RRN3: variants seen among roughly 807,000 people sequenced by gnomAD.
RRN3 encodes the protein RNA polymerase I transcription factor RRN3, also known as RNA polymerase I-specific transcription initiation factor RRN3.
Under a neutral mutation model 82.3 loss-of-function variants are expected in RRN3, and 38 were observed. That is an observed-to-expected ratio of 0.46 (90% confidence interval 0.36 to 0.61). RRN3 has a LOEUF of 0.61. Ranked by LOEUF, RRN3 falls within the 20% of genes least tolerant of loss-of-function variation. RRN3 has a pLI of 0.00. For missense variants in RRN3, 726 were observed against 793.1 expected (o/e 0.92, Z 1.02); for synonymous variants, 284 against 284.3 (o/e 1.00, Z 0.01).
intron 9 of RRN3, among the ~76,000 whole-genome samples, chr16:15,078,865 G>A (rs551602022): frequency 1.2e-4 from 18 of 150,038 alleles, no homozygotes; most frequent in South Asian, 8.5e-4. Context: ...AGGCTGGAGC[G>A]GAGTGGCGCA....
chr16:15,081,054 A>G (rs1421944725), intron 8 of RRN3, among the ~76,000 whole-genome samples: 1 of 152,194 alleles, frequency 6.6e-6, no homozygotes, highest in Non-Finnish European at 1.5e-5. Context: ...ATGTTGTAAC[A>G]TATAAAGCAT....
In RRN3 at chr16:15,061,432, A is replaced by G. The variant is rs1018944860; in HGVS notation, c.*312T>C. 2.8e-5 allele frequency: 9 copies of G among 319,642 alleles called. No homozygotes were observed. The highest frequency in any genetic ancestry group is 4.5e-5 in the Non-Finnish European group (8 of 175,908). The allele number at this position is 319,642 out of a possible 1,614,324, so 19.8% of individuals were successfully genotyped here. ...CTGCTGCCTATATTAGAAATTACCCAGTAATTGTGTCAAAAAGCTGTTAAC... is the reference window on the plus strand; with the variant it reads ...CTGCTGCCTATATTAGAAATTACCCGGTAATTGTGTCAAAAAGCTGTTAAC... On this transcript the variant is annotated 3_prime_UTR_variant, in exon 18 of 18. Transcript: ENST00000198767.
intron 8 of RRN3, 145 bp from the exon 9 acceptor site, chr16:15,080,241 G>A (rs2045641949): frequency 1.8e-6 from 2 of 1,089,314 alleles, no homozygotes; most frequent in African/African-American, 3.2e-5. Flanking sequence ...AAACTATACT[G>A]TTTCTACATG....
At chr16:15,068,332 T>C in intron 14 of RRN3, 55 bp from the exon 15 acceptor site, 2 of 1,525,684 alleles carry the variant, frequency 1.3e-6, no homozygotes, top group African/African-American at 1.4e-5. Context: ...GTGAAAAGTG[T>C]AAGATACTTT....
intron 11 of RRN3, 99 bp downstream of exon 11, chr16:15,074,624 C>T: frequency 1.2e-6 from 1 of 837,460 alleles, no homozygotes; most frequent in Non-Finnish European, 1.8e-6. Flanking sequence ...GATATTTTTA[C>T]AGGATTTTTA....
At chr16:15,093,231 T>C (rs2046211711) in intron 1 of RRN3, among the ~76,000 whole-genome samples, 1 of 152,188 alleles carries the variant, frequency 6.6e-6, no homozygotes, top group Non-Finnish European at 1.5e-5. Flanking sequence ...CTCCAACTCC[T>C]GACTTCAGAT....
chr16:15,062,650 AT>A (rs2044761389), intron 17 of RRN3, among the ~76,000 whole-genome samples: 1 of 152,230 alleles, frequency 6.6e-6, no homozygotes, highest in Admixed American at 6.5e-5. Context: ...CAATTTCAAC[AT>A]GAGTCAACTG....
intron 8 of RRN3, among the ~76,000 whole-genome samples, chr16:15,081,992 T>C (rs1400237631): frequency 6.6e-6 from 1 of 152,230 alleles, no homozygotes; most frequent in Non-Finnish European, 1.5e-5. Context: ...AACTCATTTA[T>C]TATCTCTAAA....
chr16:15,089,841 C>G (rs1315280180), intron 3 of RRN3, among the ~76,000 whole-genome samples: 1 of 139,622 alleles, frequency 7.2e-6, no homozygotes, highest in Non-Finnish European at 1.5e-5. Flanking sequence ...ACAGGAGGAT[C>G]AGAAACGCTG....
chr16:15,086,088 G>A (rs186917424), intron 5 of RRN3, 41 bp downstream of exon 5: 86 of 1,566,930 alleles, frequency 5.5e-5, no homozygotes, highest in Non-Finnish European at 6.5e-5. Flanking sequence ...TTTTAATAAA[G>A]AAGTATTAAA....
intron 12 of RRN3, 110 bp downstream of exon 12, chr16:15,072,840 C>A: frequency 8.9e-7 from 1 of 1,126,186 alleles, no homozygotes; most frequent in South Asian, 1.4e-5. Flanking sequence ...CAAGTAAGCT[C>A]AAAGAAAAGA....
rs564073678 is a variant in RRN3, at chr16:15,068,270, C to A, written c.1452G>T (p.Gln484His). 1.7e-5 allele frequency: 27 copies of A among 1,564,616 alleles called. No homozygotes were observed. The highest frequency in any genetic ancestry group is 2.2e-5 in the Non-Finnish European group (26 of 1,160,852). The change falls in exon 15 of 18, where the codon CAG (glutamine) becomes CAT (histidine). Residue 484 changes from glutamine (Q) to histidine (H), a missense_variant. Coordinates refer to ENST00000198767, the MANE Select transcript of RRN3 (RefSeq NM_018427.5). ...GCTCAAAATTCAGACTCTGAAGATA[C>A]TGCAAACCTTTGGTTTAAAAAAAAA... ...LLSGNLKEGLQYLQSLNFERI... is the reference protein window; with the variant it reads ...LLSGNLKEGLHYLQSLNFERI...
intron 1 of RRN3, among the ~76,000 whole-genome samples, chr16:15,093,502 T>C (rs1228124408): frequency 1.3e-5 from 2 of 152,202 alleles, no homozygotes; most frequent in Non-Finnish European, 2.9e-5. Context: ...GGGACATTAG[T>C]GTCTTTGGAT....
At chr16:15,094,000 C>T in intron 1 of RRN3, 145 bp downstream of exon 1, 1 of 724,750 alleles carries the variant, frequency 1.4e-6, no homozygotes, top group South Asian at 1.6e-5. Flanking sequence ...GGAATGAGCT[C>T]ATTTCTGTGA....
intron 11 of RRN3, among the ~76,000 whole-genome samples, chr16:15,073,465 A>G (rs1430265550): frequency 6.6e-6 from 1 of 152,222 alleles, no homozygotes; most frequent in Non-Finnish European, 1.5e-5. Flanking sequence ...TTTAAAAAAA[A>G]AAGAAAGACA....
intron 11 of RRN3, among the ~76,000 whole-genome samples, chr16:15,074,148 T>C (rs964121028): frequency 3.3e-5 from 5 of 152,320 alleles, no homozygotes; most frequent in African/African-American, 1.2e-4. Context: ...AATTCTCTAA[T>C]CAACATGTAT....
chr16:15,069,998 G>A, intron 14 of RRN3, 72 bp downstream of exon 14: 2 of 1,199,390 alleles, frequency 1.7e-6, no homozygotes, highest in Middle Eastern at 2.9e-4. Flanking sequence ...TCTCAAAAAA[G>A]TAATGAATCA....
intron 10 of RRN3, among the ~76,000 whole-genome samples, chr16:15,075,927 G>A (rs2045434690): frequency 6.6e-6 from 1 of 152,062 alleles, no homozygotes; most frequent in African/African-American, 2.4e-5. Context: ...GACCACCCTT[G>A]CACTCTTTCC....
intron 16 of RRN3, among the ~76,000 whole-genome samples, chr16:15,064,373 C>T (rs2044863351): frequency 6.6e-6 from 1 of 152,150 alleles, no homozygotes; most frequent in Admixed American, 6.5e-5. Context: ...CAGCGTTTCA[C>T]CATCTTGGCT....
Sources: allele counts gnomAD v4.1 joint callset (sites outside exome capture counted in the v4.1 genomes callset), GRCh38; gene constraint gnomAD v4.1.1; transcripts MANE v1.5; gene names NCBI Gene and HGNC (gene_info 2026-07-23, HGNC 2026-07-21).